The following AGBL4 variants were observed in gnomAD, a reference collection of about 807,000 sequenced individuals.
The protein encoded by AGBL4 is AGBL carboxypeptidase 4.
A neutral mutation model predicts 66.4 loss-of-function variants in AGBL4; 58 were observed. The observed-to-expected ratio is 0.87, with a 90% CI of 0.71 to 1.09. AGBL4 has a LOEUF of 1.09. Among genes scored for constraint, AGBL4 ranks in the 50% least tolerant of loss-of-function variants. The pLI is 0.00. For synonymous variants in AGBL4, 234 were observed against 222.9 expected, an observed-to-expected ratio of 1.05 and a Z score of -0.44; for missense variants, 579 against 631.0, an observed-to-expected ratio of 0.92 and a Z score of 0.88.
At chr1:49,161,056 G>A (rs1430877537) in intron 4 of AGBL4, among the ~76,000 whole-genome samples, 1 of 152,076 alleles carries the variant, frequency 6.6e-6, no homozygotes, top group Non-Finnish European at 1.5e-5. Flanking sequence ...CCAGGGGAGT[G>A]AACAGTTCTG....
At chr1:49,272,606 G>C (rs1401833904) in intron 3 of AGBL4, among the ~76,000 whole-genome samples, 1 of 152,036 alleles carries the variant, frequency 6.6e-6, no homozygotes, top group African/African-American at 2.4e-5. Flanking sequence ...ATCTCAGTAA[G>C]GGGCTTTGGC....
At chr1:49,770,717 A>AT (rs538641037) in intron 2 of AGBL4, among the ~76,000 whole-genome samples, 120 of 152,026 alleles carry the variant, frequency 7.9e-4, no homozygotes, top group Middle Eastern at 3.4e-3. Flanking sequence ...CAGATTTTCT[A>AT]TTTTTTCATA....
At chr1:49,037,775 A>C (rs750357550) in intron 5 of AGBL4, among the ~76,000 whole-genome samples, 6 of 152,002 alleles carry the variant, frequency 3.9e-5, no homozygotes, top group Non-Finnish European at 7.4e-5. Context: ...TGTACTTTTC[A>C]GGGACAGAAT....
chr1:49,529,730 C>T (rs1394405987), intron 3 of AGBL4, among the ~76,000 whole-genome samples: 4 of 151,866 alleles, frequency 2.6e-5, no homozygotes, highest in African/African-American at 9.7e-5. Flanking sequence ...CAGTTTTAGA[C>T]AGTTTAGTTT....
At chr1:48,969,393 C>A (rs1658724940) in intron 5 of AGBL4, among the ~76,000 whole-genome samples, 1 of 152,234 alleles carries the variant, frequency 6.6e-6, no homozygotes, top group African/African-American at 2.4e-5. Context: ...GTTCTCCCTG[C>A]CATTTAATTG....
chr1:49,309,281 T>C (rs1644903669), intron 3 of AGBL4, among the ~76,000 whole-genome samples: 1 of 152,120 alleles, frequency 6.6e-6, no homozygotes, highest in Non-Finnish European at 1.5e-5. Context: ...CATGTACCTC[T>C]TAAGGTAGTG....
At chr1:48,799,126 T>C (rs1490764939) in intron 6 of AGBL4, among the ~76,000 whole-genome samples, 3 of 152,234 alleles carry the variant, frequency 2.0e-5, no homozygotes, top group Non-Finnish European at 2.9e-5. Flanking sequence ...ATTTTTACAA[T>C]AGTGATTCTA....
At chr1:49,720,890 GA>G (rs751615927) in intron 2 of AGBL4, among the ~76,000 whole-genome samples, 29 of 152,126 alleles carry the variant, frequency 1.9e-4, no homozygotes, top group Admixed American at 3.9e-4. Flanking sequence ...CTTGAAGGAT[GA>G]GTAGTTTTCC....
At chr1:49,284,160 C>A (rs1394099262) in intron 3 of AGBL4, among the ~76,000 whole-genome samples, 1 of 152,178 alleles carries the variant, frequency 6.6e-6, no homozygotes, top group East Asian at 1.9e-4. Flanking sequence ...ATCAGACTAA[C>A]AGCAGCGGAT....
intron 3 of AGBL4, among the ~76,000 whole-genome samples, chr1:49,656,268 A>C (rs1646130080): frequency 6.6e-6 from 1 of 152,202 alleles, no homozygotes; most frequent in Non-Finnish European, 1.5e-5. Context: ...GAAATGGATA[A>C]ATTCCTCGAC....
At chr1:49,503,856 G>T (rs1236389367) in intron 3 of AGBL4, among the ~76,000 whole-genome samples, 1 of 152,088 alleles carries the variant, frequency 6.6e-6, no homozygotes, top group African/African-American at 2.4e-5. Context: ...GACTTACCTT[G>T]TCTCAGATGA....
chr1:48,982,751 A>G (rs574868460), intron 5 of AGBL4, among the ~76,000 whole-genome samples: 4 of 152,178 alleles, frequency 2.6e-5, no homozygotes, highest in Admixed American at 1.3e-4. Context: ...GGTATTTCTA[A>G]TTCTAGATCC....
intron 3 of AGBL4, among the ~76,000 whole-genome samples, chr1:49,265,672 CCAGA>C (rs1643901266): frequency 6.6e-6 from 1 of 151,824 alleles, no homozygotes; most frequent in South Asian, 2.1e-4. Flanking sequence ...ATATAATTGC[CCAGA>C]CAATGTGTTT....
chr1:48,596,596 A>G (rs1421594904), intron 9 of AGBL4, among the ~76,000 whole-genome samples: 1 of 152,152 alleles, frequency 6.6e-6, no homozygotes, highest in Admixed American at 6.5e-5. Context: ...TTTATCATTC[A>G]TACTGTATAT....
At chr1:48,714,112 T>C (rs1223244333) in intron 6 of AGBL4, among the ~76,000 whole-genome samples, 1 of 152,186 alleles carries the variant, frequency 6.6e-6, no homozygotes, top group Non-Finnish European at 1.5e-5. Context: ...TCAGTGGAGA[T>C]GGACAGACCC....
At chr1:49,772,691 G>T (rs1644096394) in intron 2 of AGBL4, among the ~76,000 whole-genome samples, 1 of 152,112 alleles carries the variant, frequency 6.6e-6, no homozygotes, top group Non-Finnish European at 1.5e-5. Context: ...CTGCTGGCTA[G>T]CAAGGTTTCT....
chr1:49,405,924 G>T (rs1407426192), intron 3 of AGBL4, among the ~76,000 whole-genome samples: 10 of 152,144 alleles, frequency 6.6e-5, no homozygotes, highest in Non-Finnish European at 1.2e-4. Flanking sequence ...GAATCCTATT[G>T]GAAGAAGAAA....
At chr1:49,334,759 G>A (rs746318828) in intron 3 of AGBL4, among the ~76,000 whole-genome samples, 11 of 152,174 alleles carry the variant, frequency 7.2e-5, no homozygotes, top group Non-Finnish European at 1.6e-4. Flanking sequence ...TAGCAAGACT[G>A]TCAGCCAGAG....
At chr1:48,769,371 C>T (rs1415014378) in intron 6 of AGBL4, among the ~76,000 whole-genome samples, 6 of 152,114 alleles carry the variant, frequency 3.9e-5, no homozygotes, top group Admixed American at 3.3e-4. Flanking sequence ...GAAGTTCATT[C>T]TATGGAGCCA....
Sources: allele counts gnomAD v4.1 joint callset (sites outside exome capture counted in the v4.1 genomes callset), GRCh38; gene constraint gnomAD v4.1.1; transcripts MANE v1.5; gene names NCBI Gene and HGNC (gene_info 2026-07-23, HGNC 2026-07-21).